The following SOX6 variants were observed in gnomAD, a reference collection of about 807,000 sequenced individuals.
SOX6 encodes the protein transcription factor SOX-6.
In SOX6, 11 loss-of-function variants were observed where a neutral mutation model predicts 97.8. The ratio of observed to expected loss-of-function variants is 0.11; its 90% CI spans 0.07 to 0.19. The LOEUF (loss-of-function observed/expected upper bound fraction) is 0.19. Among genes scored for constraint, SOX6 ranks in the 10% least tolerant of loss-of-function variants. The pLI, the probability that SOX6 is intolerant of heterozygous loss-of-function variation, is 1.00. For synonymous variants in SOX6, 360 were observed against 371.4 expected (o/e 0.97, Z 0.35); for missense variants, 810 against 1,039.5 (o/e 0.78, Z 3.04).
intron 6 of SOX6, among the ~76,000 whole-genome samples, chr11:16,118,991 A>G (rs1849422014): frequency 6.6e-6 from 1 of 152,168 alleles, no homozygotes; most frequent in Non-Finnish European, 1.5e-5. Context: ...GAGAGTTCAG[A>G]AAAAGTGATC....
chr11:16,630,097 C>A (rs935135284), intron 3 of SOX6, among the ~76,000 whole-genome samples: 2 of 151,938 alleles, frequency 1.3e-5, no homozygotes, highest in Non-Finnish European at 2.9e-5. Context: ...TTCAGTTTCA[C>A]TCAGATTTTA....
intron 2 of SOX6, among the ~76,000 whole-genome samples, chr11:16,725,606 T>G (rs1002362995): frequency 6.6e-6 from 1 of 152,024 alleles, no homozygotes; most frequent in African/African-American, 2.4e-5. Flanking sequence ...TATAGAGAGA[T>G]AGGAAGCAGA....
intron 9 of SOX6, among the ~76,000 whole-genome samples, chr11:16,066,834 T>G (rs1848105037): frequency 6.6e-6 from 1 of 152,048 alleles, no homozygotes; most frequent in African/African-American, 2.4e-5. Context: ...TAAGTTGATA[T>G]CTCAACAGGG....
intron 2 of SOX6, among the ~76,000 whole-genome samples, chr11:16,734,748 A>G (rs1436329287): frequency 6.6e-6 from 1 of 152,216 alleles, no homozygotes; most frequent in African/African-American, 2.4e-5. Flanking sequence ...ATATTAAAAC[A>G]ACAAATATCT....
At chr11:16,723,505 A>T (rs1377693148) in intron 2 of SOX6, among the ~76,000 whole-genome samples, 1 of 152,164 alleles carries the variant, frequency 6.6e-6, no homozygotes, top group East Asian at 1.9e-4. Context: ...AAAGAAAAAA[A>T]AAACTGAGAA....
chr11:16,715,801 A>G (rs781501807), intron 2 of SOX6, among the ~76,000 whole-genome samples: 1 of 152,198 alleles, frequency 6.6e-6, no homozygotes, highest in Non-Finnish European at 1.5e-5. Flanking sequence ...CTTTTTTCCA[A>G]CTACTCTCAG....
chr11:16,374,178 C>A (rs1008339106), intron 1 of SOX6, among the ~76,000 whole-genome samples: 3 of 152,154 alleles, frequency 2.0e-5, no homozygotes, highest in African/African-American at 7.2e-5. Context: ...ACATCCTGGA[C>A]TGCCTATGAA....
At chr11:16,149,253 T>C (rs1850396593) in intron 6 of SOX6, among the ~76,000 whole-genome samples, 1 of 152,120 alleles carries the variant, frequency 6.6e-6, no homozygotes, top group Non-Finnish European at 1.5e-5. Flanking sequence ...TGTTAAACCA[T>C]AGGTAAGTTA....
intron 3 of SOX6, among the ~76,000 whole-genome samples, chr11:16,623,755 G>A (rs947689567): frequency 2.6e-5 from 4 of 152,124 alleles, no homozygotes; most frequent in Non-Finnish European, 5.9e-5. Flanking sequence ...GAGAGATGAG[G>A]ATCCAAATTC....
intron 11 of SOX6, among the ~76,000 whole-genome samples, chr11:16,048,675 T>C (rs553672439): frequency 2.6e-5 from 4 of 152,300 alleles, no homozygotes; most frequent in East Asian, 1.9e-4. Flanking sequence ...AAGCTGTTAA[T>C]GGCTATTCTT....
intron 12 of SOX6, among the ~76,000 whole-genome samples, chr11:16,018,543 C>T (rs952465982): frequency 1.3e-5 from 2 of 152,010 alleles, no homozygotes; most frequent in Admixed American, 6.6e-5. Flanking sequence ...ACAATAATGG[C>T]TTTTCTTTGC....
At chr11:16,004,283 A>C (rs570942389) in intron 13 of SOX6, among the ~76,000 whole-genome samples, 8 of 152,148 alleles carry the variant, frequency 5.3e-5, no homozygotes, top group South Asian at 2.1e-4. Context: ...CAAAAATCAC[A>C]ATGGGCACTC....
chr11:16,496,839 G>A (rs1007507512), intron 4 of SOX6, among the ~76,000 whole-genome samples: 9 of 152,212 alleles, frequency 5.9e-5, no homozygotes, highest in African/African-American at 2.2e-4. Flanking sequence ...ACTGGGTGGA[G>A]CCCACCGCAG....
At chr11:16,365,207 AG>A (rs1280162804) in intron 1 of SOX6, among the ~76,000 whole-genome samples, 25 of 152,176 alleles carry the variant, frequency 1.6e-4, no homozygotes, top group Middle Eastern at 3.4e-3. Flanking sequence ...GAGTACGGAT[AG>A]GGTTCAGTAC....
At chr11:16,202,829 C>T (rs10500827) in intron 4 of SOX6, among the ~76,000 whole-genome samples, 8,860 of 152,018 alleles carry the variant, frequency 0.058, 639 homozygotes, top group East Asian at 0.37. Flanking sequence ...ATATAGCTAA[C>T]TACTAAAGAC....
intron 4 of SOX6, among the ~76,000 whole-genome samples, chr11:16,509,527 T>C (rs1860845677): frequency 1.3e-5 from 2 of 152,150 alleles, no homozygotes; most frequent in Admixed American, 6.5e-5. Flanking sequence ...GTTTTTCAAA[T>C]ATACTACAAA....
At chr11:16,013,523 A>ATTC (rs1248249292) in intron 13 of SOX6, among the ~76,000 whole-genome samples, 4 of 151,970 alleles carry the variant, frequency 2.6e-5, no homozygotes, top group Non-Finnish European at 4.4e-5. Flanking sequence ...GTTGATACAC[A>ATTC]TTCTTCAAGG....
In SOX6 at chr11:16,571,244, A is replaced by T. The variant is rs115704791; in HGVS notation, n.609+40837T>A. Among the ~76,000 whole-genome samples, 1,238 of 152,274 alleles carry T rather than the reference A, an allele frequency of 8.1e-3. 21 individuals carry two copies. The highest frequency in any genetic ancestry group is 0.027 in the African/African-American group (1,125 of 41,548). Reference sequence around the variant, plus strand: ...TCAGAACTACAAGTTGAAATATCTCACTTTCAACAAGTGGCAAGAGGAATA... The same window carrying T: ...TCAGAACTACAAGTTGAAATATCTCTCTTTCAACAAGTGGCAAGAGGAATA... On this transcript the variant is annotated intron_variant and non_coding_transcript_variant, in intron 4 of 5. Coordinates refer to the SOX6 transcript ENST00000524520.
chr11:16,338,716 GA>G (rs1480538947), intron 2 of SOX6, among the ~76,000 whole-genome samples: 2 of 151,946 alleles, frequency 1.3e-5, no homozygotes, highest in African/African-American at 4.8e-5. Flanking sequence ...GTGAAAGTTT[GA>G]AAACATGTCT....
Sources: allele counts gnomAD v4.1 joint callset (sites outside exome capture counted in the v4.1 genomes callset), GRCh38; gene constraint gnomAD v4.1.1; transcripts MANE v1.5; gene names NCBI Gene and HGNC (gene_info 2026-07-23, HGNC 2026-07-21).